Variants in INPP5B observed in about 807,000 individuals in gnomAD.
INPP5B encodes inositol polyphosphate-5-phosphatase B, also known as type II inositol 1,4,5-trisphosphate 5-phosphatase.
In INPP5B, 90 loss-of-function variants were observed where a neutral mutation model predicts 118.5. The ratio of observed to expected loss-of-function variants is 0.76; its 90% CI spans 0.64 to 0.90. The LOEUF is 0.90. INPP5B is among the 40% of genes least tolerant of loss of function. The pLI is 0.00. For synonymous variants in INPP5B, 385 were observed against 418.9 expected (o/e 0.92, Z 0.99); for missense variants, 984 against 1,125.6 (o/e 0.87, Z 1.80).
intron 17 of INPP5B, among the ~76,000 whole-genome samples, chr1:37,874,795 AAAAC>A (rs1289710663): frequency 2.0e-5 from 3 of 152,168 alleles, no homozygotes; most frequent in African/African-American, 4.8e-5. Context: ...GACTCTGTTT[AAAAC>A]AAACAAACCA....
chr1:37,885,428 T>G (rs1198409347), intron 13 of INPP5B: 31 of 434,194 alleles, frequency 7.1e-5, no homozygotes, highest in Non-Finnish European at 1.1e-4. Flanking sequence ...AAAAAAAAAG[T>G]AAGAAAAGAG....
In INPP5B at chr1:37,908,719, C is replaced by T. The variant is rs574246827; in HGVS notation, c.533-17265G>A. 1.3e-3 allele frequency among the ~76,000 whole-genome samples: 195 copies of T among 152,274 alleles called. 3 individuals are homozygous for T. Among genetic ancestry groups the T allele is most frequent in the African/African-American group, 3.8e-3 (156 of 41,546 alleles). The stretch of plus-strand genomic sequence containing the variant: ...GATGCCTGCCTGATTATTCACCCAC[C>T]CTCCACTGGTGTCTGATCACTGCGG... On this transcript the variant is annotated intron_variant, in intron 7 of 23. Transcript: ENST00000373024.
intron 7 of INPP5B, among the ~76,000 whole-genome samples, chr1:37,911,363 T>C (rs1288273279): frequency 6.6e-6 from 1 of 152,170 alleles, no homozygotes; most frequent in Non-Finnish European, 1.5e-5. Context: ...TCCCACATTA[T>C]TCCGGATACC....
intron 7 of INPP5B, among the ~76,000 whole-genome samples, chr1:37,898,247 C>A (rs1257813510): frequency 1.3e-5 from 2 of 151,958 alleles, no homozygotes; most frequent in Non-Finnish European, 2.9e-5. Flanking sequence ...GTAAACAGAT[C>A]AATGGTTGCC....
rs768578926 is a variant in INPP5B at position 37,864,320 on chromosome 1, T to C, written c.2618A>G (p.Asn873Ser). 2 of 1,582,838 alleles carry C rather than the reference T, an allele frequency of 1.3e-6. No individual in the cohort carries two copies. The highest frequency in any genetic ancestry group is 1.1e-5 in the South Asian group (1 of 90,080). The change falls in exon 23 of 24, where the codon AAT becomes AGT. Residue 873 changes from asparagine to serine, a missense_variant. Physicochemically the swap from Asn to Ser is conservative, Grantham distance 46 (BLOSUM62 1). Around this residue, in one of 2 missense-constraint regions of INPP5B, gnomAD observed 634 missense variants for 791.0 expected, o/e 0.80. Coordinates refer to ENST00000373024, the MANE Select transcript of INPP5B (RefSeq NM_005540.3). ...KNSAKNHLDENILASIFGSLL... is the reference protein window; with the variant it reads ...KNSAKNHLDESILASIFGSLL... ...GACATTTGGCTGCTTACCTAGAATA[T>C]TCTCATCCAAATGATTTTTTGCTGA... is the stretch of plus-strand genomic sequence containing the variant.
At chr1:37,945,272 A>G (rs1373879126) in intron 3 of INPP5B, among the ~76,000 whole-genome samples, 3 of 152,192 alleles carry the variant, frequency 2.0e-5, no homozygotes, top group African/African-American at 7.2e-5. Flanking sequence ...CTTTACTAAA[A>G]ATACAGAAAT....
chr1:37,912,193 C>T (rs1458696690), intron 7 of INPP5B, among the ~76,000 whole-genome samples: 1 of 152,044 alleles, frequency 6.6e-6, no homozygotes, highest in Non-Finnish European at 1.5e-5. Flanking sequence ...AGAATCTGAC[C>T]CCTCAAACTC....
intron 3 of INPP5B, among the ~76,000 whole-genome samples, 199 bp downstream of exon 3, chr1:37,945,557 C>T (rs1028234509): frequency 6.6e-6 from 1 of 152,242 alleles, no homozygotes; most frequent in African/African-American, 2.4e-5. Context: ...AAGAAACTTC[C>T]TCCTTAGATC....
intron 7 of INPP5B, among the ~76,000 whole-genome samples, chr1:37,896,636 G>A (rs1381215624): frequency 9.9e-5 from 14 of 141,308 alleles, no homozygotes; most frequent in East Asian, 4.5e-4. Flanking sequence ...CGCCCCGTCC[G>A]GGAGGTGAGG....
intron 14 of INPP5B, among the ~76,000 whole-genome samples, chr1:37,881,483 C>T (rs995232334): frequency 2.0e-5 from 3 of 152,216 alleles, no homozygotes; most frequent in Admixed American, 6.5e-5. Context: ...TCAGCTCTAA[C>T]ATTGCACATG....
intron 7 of INPP5B, among the ~76,000 whole-genome samples, chr1:37,922,351 TG>T (rs1351000192): frequency 1.3e-5 from 2 of 151,946 alleles, no homozygotes; most frequent in Non-Finnish European, 2.9e-5. Flanking sequence ...ATCATGTCAC[TG>T]CACTCCAGCC....
chr1:37,914,451 A>G (rs1037136161), intron 7 of INPP5B, among the ~76,000 whole-genome samples: 1 of 152,104 alleles, frequency 6.6e-6, no homozygotes, highest in African/African-American at 2.4e-5. Flanking sequence ...ATCTTTATAA[A>G]TAGCTTCAGA....
intron 7 of INPP5B, among the ~76,000 whole-genome samples, chr1:37,925,686 C>A (rs762042977): frequency 4.0e-5 from 6 of 148,518 alleles, no homozygotes; most frequent in Non-Finnish European, 7.4e-5. Context: ...CAAAGCTCCA[C>A]TTCTAACTGA....
At chr1:37,876,333 T>C (rs953249900) in intron 16 of INPP5B, among the ~76,000 whole-genome samples, 2 of 151,570 alleles carry the variant, frequency 1.3e-5, no homozygotes. Context: ...CTTGAACTCC[T>C]GAGCTCAAGC....
At chr1:37,902,210 C>T (rs1014595845) in intron 7 of INPP5B, among the ~76,000 whole-genome samples, 3 of 152,108 alleles carry the variant, frequency 2.0e-5, no homozygotes, top group Admixed American at 1.3e-4. Flanking sequence ...TGCTCTCAAA[C>T]TCCTGACCAC....
At chr1:37,911,862 C>T (rs922370106) in intron 7 of INPP5B, among the ~76,000 whole-genome samples, 17 of 152,182 alleles carry the variant, frequency 1.1e-4, no homozygotes, top group South Asian at 4.1e-4. Context: ...CTCAGGGCAA[C>T]GCTTATGCTG....
At chr1:37,895,881 A>C (rs890712295) in intron 7 of INPP5B, among the ~76,000 whole-genome samples, 56 of 152,222 alleles carry the variant, frequency 3.7e-4, no homozygotes, top group Middle Eastern at 3.4e-3. Flanking sequence ...ACCTCCCAGC[A>C]GCCTGCCTTG....
At chr1:37,917,246 G>A (rs1185907371) in intron 7 of INPP5B, among the ~76,000 whole-genome samples, 2 of 141,300 alleles carry the variant, frequency 1.4e-5, no homozygotes, top group Non-Finnish European at 3.0e-5. Context: ...CCGAGATTGT[G>A]CCACTGCACT....
At chr1:37,932,772 G>A (rs1306590179) in intron 6 of INPP5B, among the ~76,000 whole-genome samples, 1 of 152,136 alleles carries the variant, frequency 6.6e-6, no homozygotes, top group African/African-American at 2.4e-5. Context: ...CAGAGGGTTG[G>A]AGGATTTCAC....
Sources: gnomAD v4.1 joint callset for allele counts (sites outside exome capture counted in the v4.1 genomes callset) on GRCh38, gnomAD v4.1.1 for gene constraint, gnomAD v4.1.1 regional missense constraint, MANE v1.5 for transcripts, NCBI Gene and HGNC (gene_info 2026-07-23, HGNC 2026-07-21) for gene names.